NTM: variants seen among roughly 807,000 people sequenced by gnomAD.
NTM encodes IgLON family member 2.
NTM carries 13 observed loss-of-function variants against 42.1 expected under a neutral mutation model. That is an observed-to-expected ratio of 0.31 (90% CI 0.20 to 0.49). The LOEUF (loss-of-function observed/expected upper bound fraction) is 0.49. NTM is among the 20% of genes least tolerant of loss of function. The pLI is 0.99. For missense variants in NTM, 373 were observed against 452.8 expected, an observed-to-expected ratio of 0.82 and a Z score of 1.60; for synonymous variants, 187 against 179.2, an observed-to-expected ratio of 1.04 and a Z score of -0.35.
At chr11:132,204,911 A>C (rs192087818) in intron 3 of NTM, among the ~76,000 whole-genome samples, 6 of 152,288 alleles carry the variant, frequency 3.9e-5, no homozygotes, top group Middle Eastern at 3.4e-3. Flanking sequence ...TCTCAAAACC[A>C]ACACCTGCTT....
intron 4 of NTM, among the ~76,000 whole-genome samples, chr11:132,264,512 G>A (rs1392958976): frequency 6.6e-6 from 1 of 152,124 alleles, no homozygotes; most frequent in Non-Finnish European, 1.5e-5. Context: ...AGATTTGCAT[G>A]TAATAAAATC....
At chr11:131,768,932 A>C (rs931708115) in intron 1 of NTM, among the ~76,000 whole-genome samples, 2 of 152,234 alleles carry the variant, frequency 1.3e-5, no homozygotes, top group Non-Finnish European at 2.9e-5. Flanking sequence ...GAAAATGTGC[A>C]GTTGCCATTA....
rs113004930 is a variant in NTM at position 132,070,717 on chromosome 11, C to T, written c.168-75565C>T. Among the ~76,000 whole-genome samples, 352 of 144,052 alleles carry T rather than the reference C, an allele frequency of 2.4e-3. 16 individuals are homozygous for T. The highest frequency in any genetic ancestry group is 7.8e-3 in the African/African-American group (306 of 39,288). The allele number at this position is 144,052 out of a possible 152,430, so 94.5% of individuals were successfully genotyped here. A position where few individuals can be genotyped will look rare whatever the true frequency, so the allele number is the denominator to read the frequency against. Reference sequence around the variant, plus strand: ...ACTGACCATCACAGGTTAGTTAACACGTCACACAGCCAAGTTAACACGTCA... The same window carrying T: ...ACTGACCATCACAGGTTAGTTAACATGTCACACAGCCAAGTTAACACGTCA... On this transcript the variant is annotated intron_variant, in intron 2 of 8. Transcript: ENST00000683400.
intron 1 of NTM, among the ~76,000 whole-genome samples, chr11:131,415,107 T>C (rs894164765): frequency 1.3e-5 from 2 of 152,146 alleles, no homozygotes; most frequent in African/African-American, 4.8e-5. Context: ...TCTGGAGAGA[T>C]AATAAAGGAT....
chr11:132,233,274 G>A (rs1170807192), intron 4 of NTM, among the ~76,000 whole-genome samples: 1 of 152,144 alleles, frequency 6.6e-6, no homozygotes, highest in Non-Finnish European at 1.5e-5. Context: ...AATAAAATTA[G>A]CCAGGTATGG....
rs189127844 is a variant in NTM at position 132,318,423 on chromosome 11, C to G, written c.934+3720C>G. Among the ~76,000 whole-genome samples, 7 of 152,252 alleles carry G rather than the reference C, an allele frequency of 4.6e-5. No individual in the cohort carries two copies. The East Asian group carries it at 1.4e-3, about 29-fold the overall frequency. On this transcript the variant is annotated intron_variant, in intron 7 of 8. Transcript: ENST00000683400. ...GCATAAACTGAAAGACAAGGATGCC[C>G]CTCAGTGGAACATCATAGGGGGTCC...
At chr11:132,073,155 G>C (rs1430851831) in intron 2 of NTM, among the ~76,000 whole-genome samples, 2 of 152,090 alleles carry the variant, frequency 1.3e-5, no homozygotes, top group Non-Finnish European at 2.9e-5. Flanking sequence ...CTAGGCTAAG[G>C]GTTTCCAAAC....
At chr11:131,404,276 G>T (rs960786498) in intron 1 of NTM, among the ~76,000 whole-genome samples, 1 of 152,100 alleles carries the variant, frequency 6.6e-6, no homozygotes, top group Non-Finnish European at 1.5e-5. Context: ...AATGCCAAGT[G>T]CAGTGCTCAA....
intron 1 of NTM, among the ~76,000 whole-genome samples, chr11:131,850,419 TCA>T (rs1208160945): frequency 1.3e-5 from 2 of 152,270 alleles, no homozygotes; most frequent in African/African-American, 4.8e-5. Flanking sequence ...TGCTAAGAAG[TCA>T]CACTTTTCTC....
At chr11:131,765,700 G>A (rs182206983) in intron 1 of NTM, among the ~76,000 whole-genome samples, 13 of 152,262 alleles carry the variant, frequency 8.5e-5, no homozygotes, top group Non-Finnish European at 1.6e-4. Flanking sequence ...CACCGGGCCC[G>A]GCTTCACAGT....
intron 2 of NTM, among the ~76,000 whole-genome samples, chr11:132,065,445 C>T (rs886630507): frequency 2.6e-5 from 4 of 152,158 alleles, no homozygotes; most frequent in Non-Finnish European, 5.9e-5. Flanking sequence ...GAATCTCCTG[C>T]ACCAGATTCC....
intron 4 of NTM, among the ~76,000 whole-genome samples, chr11:132,302,776 A>G (rs1319338566): frequency 6.6e-6 from 1 of 152,202 alleles, no homozygotes; most frequent in Non-Finnish European, 1.5e-5. Context: ...TGGATTGGAC[A>G]TCAGGAGGCC....
intron 2 of NTM, among the ~76,000 whole-genome samples, chr11:131,965,083 T>G (rs2062663466): frequency 6.7e-6 from 1 of 149,708 alleles, no homozygotes; most frequent in African/African-American, 2.5e-5. Context: ...GGGAAAGGGG[T>G]GGAAATAGAA....
intron 1 of NTM, among the ~76,000 whole-genome samples, chr11:131,846,883 A>G (rs917167592): frequency 6.6e-6 from 1 of 152,150 alleles, no homozygotes; most frequent in Non-Finnish European, 1.5e-5. Flanking sequence ...AAAAAGAGTG[A>G]GGTAGAAAAT....
chr11:131,896,569 AAC>A (rs889116364), intron 1 of NTM, among the ~76,000 whole-genome samples: 3 of 152,210 alleles, frequency 2.0e-5, no homozygotes, highest in Non-Finnish European at 4.4e-5. Flanking sequence ...GAACAAATCA[AAC>A]ACAGTCTTTC....
chr11:132,001,587 G>A (rs1159171653), intron 2 of NTM, among the ~76,000 whole-genome samples: 1 of 152,114 alleles, frequency 6.6e-6, no homozygotes, highest in Non-Finnish European at 1.5e-5. Context: ...GCAGGAGAGA[G>A]AGGGTGGGGA....
chr11:132,196,187 T>C (rs1031569217), intron 3 of NTM, among the ~76,000 whole-genome samples: 2 of 151,940 alleles, frequency 1.3e-5, no homozygotes, highest in Non-Finnish European at 2.9e-5. Context: ...AAGAAATATA[T>C]GGGAAAAAAA....
At chr11:131,403,710 T>C (rs1419327762) in intron 1 of NTM, among the ~76,000 whole-genome samples, 1 of 152,164 alleles carries the variant, frequency 6.6e-6, no homozygotes, top group Admixed American at 6.5e-5. Context: ...AGTTTTATAA[T>C]CTTCCAAAAA....
chr11:131,550,070 G>A (rs1197047447), intron 1 of NTM, among the ~76,000 whole-genome samples: 1 of 152,214 alleles, frequency 6.6e-6, no homozygotes, highest in African/African-American at 2.4e-5. Flanking sequence ...ATCATGGCAT[G>A]AGAATCAAGG....
Sources: gnomAD v4.1 joint callset for allele counts (sites outside exome capture counted in the v4.1 genomes callset) on GRCh38, gnomAD v4.1.1 for gene constraint, MANE v1.5 for transcripts, NCBI Gene and HGNC (gene_info 2026-07-23, HGNC 2026-07-21) for gene names.